The following CHCHD3 variants were observed in gnomAD, a reference collection of about 807,000 sequenced individuals.
CHCHD3 encodes coiled-coil-helix-coiled-coil-helix domain containing 3.
A neutral mutation model predicts 38.2 loss-of-function variants in CHCHD3; 20 were observed. That is an observed-to-expected ratio of 0.52 (90% CI 0.37 to 0.76). CHCHD3 has a LOEUF of 0.76. Ranked by LOEUF, CHCHD3 falls within the 30% of genes least tolerant of loss-of-function variation. The probability of loss-of-function intolerance (pLI) is 0.00; values close to 1 mark genes in which losing one functional copy is unlikely to be tolerated. For synonymous variants in CHCHD3, 82 were observed against 100.0 expected (o/e 0.82, Z 1.07); for missense variants, 245 against 279.2 (o/e 0.88, Z 0.87).
intron 2 of CHCHD3, chr7:133,034,968 C>A (rs781399018): frequency 1.4e-5 from 23 of 1,602,180 alleles, no homozygotes; most frequent in Non-Finnish European, 1.8e-5. Context: ...CAGGGACCAG[C>A]CGTCCTTATC....
intron 3 of CHCHD3, among the ~76,000 whole-genome samples, chr7:132,995,170 T>C (rs1415828694): frequency 6.6e-6 from 1 of 152,232 alleles, no homozygotes; most frequent in African/African-American, 2.4e-5. Context: ...TTCTTTACTG[T>C]CATTTTAGGA....
chr7:133,002,435 T>C (rs1019798265), intron 3 of CHCHD3, among the ~76,000 whole-genome samples: 2 of 152,114 alleles, frequency 1.3e-5, no homozygotes, highest in African/African-American at 4.8e-5. Context: ...TTTTGGCCCC[T>C]GGGTTTTTTC....
intron 6 of CHCHD3, among the ~76,000 whole-genome samples, chr7:132,809,153 G>A (rs1377391378): frequency 6.6e-6 from 1 of 150,796 alleles, no homozygotes; most frequent in Non-Finnish European, 1.5e-5. Flanking sequence ...CTGAGATGGG[G>A]TTTCACCATG....
chr7:133,003,687 G>A (rs991583163), intron 3 of CHCHD3, among the ~76,000 whole-genome samples: 12 of 152,160 alleles, frequency 7.9e-5, no homozygotes, highest in African/African-American at 1.9e-4. Flanking sequence ...TACACTTGCC[G>A]AGGCCCAATG....
Position 132,915,957 on chromosome 7 carries a change from T to A in CHCHD3, c.370-30212A>T, listed in dbSNP as rs551443047. Among the ~76,000 whole-genome samples the A allele has an allele frequency of 4.7e-3, 647 of 137,706 alleles. 4 individuals are homozygous for A. The highest frequency in any genetic ancestry group is 0.017 in the African/African-American group (599 of 35,164). 90.3% of individuals were successfully genotyped at this position (137,706 alleles called of 152,430 possible). Reference sequence around the variant, plus strand: ...TTTTTTAATTTTTTAATAAAAAAATTTTTTTTTTTTTTGGTAAAGCAAAAT... The same window carrying A: ...TTTTTTAATTTTTTAATAAAAAAATATTTTTTTTTTTTGGTAAAGCAAAAT... On this transcript the variant is annotated intron_variant, in intron 4 of 7. Coordinates refer to ENST00000262570, the MANE Select transcript of CHCHD3 (RefSeq NM_017812.4).
chr7:132,821,305 C>CATT (rs1807367235), intron 6 of CHCHD3, among the ~76,000 whole-genome samples: 1 of 152,042 alleles, frequency 6.6e-6, no homozygotes, highest in Non-Finnish European at 1.5e-5. Flanking sequence ...CTGTTATTAC[C>CATT]ATTTCACAGA....
intron 5 of CHCHD3, among the ~76,000 whole-genome samples, chr7:132,866,326 G>A (rs1369041653): frequency 6.6e-6 from 1 of 152,064 alleles, no homozygotes; most frequent in Non-Finnish European, 1.5e-5. Flanking sequence ...CCGCGACCTT[G>A]GATAAAGTAC....
rs186931934 is a variant in CHCHD3 at position 133,068,239 on chromosome 7, T to C, written c.169+1903A>G. 3.8e-3 allele frequency among the ~76,000 whole-genome samples: 575 copies of C among 152,294 alleles called. 1 individual carries two copies. The highest frequency in any genetic ancestry group is 0.031 in the Middle Eastern group (9 of 294). On this transcript the variant is annotated intron_variant, in intron 2 of 7. Transcript: ENST00000262570. Reference sequence around the variant, plus strand: ...CAAAAGTAGCTACTTTTAAAATGGATAATGCCCTTAAATTAATTCAACAAA... The same window carrying C: ...CAAAAGTAGCTACTTTTAAAATGGACAATGCCCTTAAATTAATTCAACAAA...
chr7:132,938,983 G>T (rs1032615694), intron 4 of CHCHD3, among the ~76,000 whole-genome samples: 1 of 152,170 alleles, frequency 6.6e-6, no homozygotes, highest in Non-Finnish European at 1.5e-5. Context: ...TGCTAAGAAG[G>T]TGGAGGGAAA....
chr7:132,918,334 A>T (rs568456029), intron 4 of CHCHD3, among the ~76,000 whole-genome samples: 2 of 152,314 alleles, frequency 1.3e-5, no homozygotes, highest in East Asian at 3.9e-4. Context: ...AGTAAAATGA[A>T]GCTAACCATC....
chr7:132,942,387 G>A (rs931632094), intron 4 of CHCHD3, among the ~76,000 whole-genome samples: 1 of 152,040 alleles, frequency 6.6e-6, no homozygotes, highest in Non-Finnish European at 1.5e-5. Flanking sequence ...AGTTCTTAAT[G>A]TTGTCATATC....
rs1294331153 is a variant in CHCHD3 at position 132,796,554 on chromosome 7, C to G, written c.548G>C (p.Cys183Ser). ...AAGAATTTTGGCCTGCAGATCAGCA[C>G]AGACTGGATGAGACTCATATCGCCT... ...KFKRYESHPV[C>S]ADLQAKILQC... is the part of the protein sequence containing the mutation. The change falls in exon 7 of 8, where the codon TGT becomes TCT. Residue 183 changes from cysteine (C) to serine (S), a missense_variant. Coordinates refer to ENST00000262570, the MANE Select transcript of CHCHD3 (RefSeq NM_017812.4). 6.2e-7 allele frequency: 1 copy of G among 1,613,714 alleles called. No homozygotes were observed. The highest frequency in any genetic ancestry group is 1.3e-5 in the African/African-American group (1 of 74,886).
At chr7:133,051,723 C>G (rs762096579) in intron 2 of CHCHD3, among the ~76,000 whole-genome samples, 19 of 152,162 alleles carry the variant, frequency 1.2e-4, no homozygotes, top group Non-Finnish European at 2.6e-4. Flanking sequence ...AGACAATTCT[C>G]ATTTATAAAT....
intron 4 of CHCHD3, among the ~76,000 whole-genome samples, chr7:132,969,060 G>C (rs897615381): frequency 6.6e-6 from 1 of 151,770 alleles, no homozygotes; most frequent in African/African-American, 2.4e-5. Flanking sequence ...TCAGACAAAA[G>C]GCAAACTGGG....
At chr7:132,833,701 TAC>T (rs1316782729) in intron 6 of CHCHD3, among the ~76,000 whole-genome samples, 4 of 152,194 alleles carry the variant, frequency 2.6e-5, no homozygotes, top group Non-Finnish European at 5.9e-5. Context: ...CAAAGTATTT[TAC>T]TGCCAAAACT....
chr7:133,019,630 C>T (rs554525290), intron 3 of CHCHD3, among the ~76,000 whole-genome samples: 3 of 152,134 alleles, frequency 2.0e-5, no homozygotes, highest in Non-Finnish European at 4.4e-5. Context: ...AACTAATGTC[C>T]ATTGAAAAAT....
At chr7:132,924,015 G>A (rs1810318536) in intron 4 of CHCHD3, among the ~76,000 whole-genome samples, 1 of 152,144 alleles carries the variant, frequency 6.6e-6, no homozygotes, top group Non-Finnish European at 1.5e-5. Flanking sequence ...CAATTCATCA[G>A]AACAATAAGA....
intron 4 of CHCHD3, among the ~76,000 whole-genome samples, chr7:132,936,717 G>A (rs1810640982): frequency 6.6e-6 from 1 of 152,176 alleles, no homozygotes; most frequent in South Asian, 2.1e-4. Flanking sequence ...ATCCAAAAAG[G>A]ATGTGGATAA....
At chr7:133,074,221 C>T (rs1814911085) in intron 1 of CHCHD3, among the ~76,000 whole-genome samples, 1 of 152,100 alleles carries the variant, frequency 6.6e-6, no homozygotes, top group Non-Finnish European at 1.5e-5. Flanking sequence ...TAATCAAGGC[C>T]CTGTGATACA....
Sources: gnomAD v4.1 joint callset for allele counts (sites outside exome capture counted in the v4.1 genomes callset) on GRCh38, gnomAD v4.1.1 for gene constraint, MANE v1.5 for transcripts, NCBI Gene and HGNC (gene_info 2026-07-23, HGNC 2026-07-21) for gene names.